Variants in CTNNA2 observed in about 807,000 individuals in gnomAD.
CTNNA2 encodes the protein catenin alpha-2.
Under a neutral mutation model 101.0 loss-of-function variants are expected in CTNNA2, and 42 were observed. That is an observed-to-expected ratio of 0.42 (90% CI 0.32 to 0.54). CTNNA2 has a LOEUF of 0.54. CTNNA2 is among the 20% of genes least tolerant of loss of function. The pLI, the probability that CTNNA2 is intolerant of heterozygous loss-of-function variation, is 0.14. For synonymous variants in CTNNA2, 450 were observed against 456.4 expected, an observed-to-expected ratio of 0.99 and a Z score of 0.18; for missense variants, 871 against 1,223.1, an observed-to-expected ratio of 0.71 and a Z score of 4.29.
intron 4 of CTNNA2, among the ~76,000 whole-genome samples, chr2:79,447,246 T>C (rs1678843228): frequency 6.6e-6 from 1 of 152,016 alleles, no homozygotes; most frequent in African/African-American, 2.4e-5. Context: ...CTAATCTCTA[T>C]ACTGACTCAA....
chr2:80,568,566 C>CGCGCGT (rs375491630), intron 12 of CTNNA2, among the ~76,000 whole-genome samples: 4 of 149,310 alleles, frequency 2.7e-5, no homozygotes, highest in African/African-American at 9.9e-5. Context: ...TAATGGTGTG[C>CGCGCGT]GTGTGTGTGT....
At chr2:79,662,949 T>A in intron 2 of CTNNA2, among the ~76,000 whole-genome samples, 1 of 152,208 alleles carries the variant, frequency 6.6e-6, no homozygotes, top group Non-Finnish European at 1.5e-5. Context: ...CTTTAAATGT[T>A]CACGCTGTTC....
intron 4 of CTNNA2, among the ~76,000 whole-genome samples, chr2:79,503,221 T>A (rs2103807321): frequency 6.6e-6 from 1 of 152,280 alleles, no homozygotes; most frequent in East Asian, 1.9e-4. Context: ...GGGCTCATAG[T>A]TGCAGGCACA....
intron 3 of CTNNA2, among the ~76,000 whole-genome samples, chr2:79,771,542 G>T (rs146945724): frequency 3.5e-4 from 53 of 152,180 alleles, no homozygotes; most frequent in African/African-American, 1.2e-3. Context: ...CCATCTGGGG[G>T]TGATGGGAGA....
At chr2:79,365,185 G>T (rs939146275) in intron 3 of CTNNA2, among the ~76,000 whole-genome samples, 1 of 152,110 alleles carries the variant, frequency 6.6e-6, no homozygotes, top group Non-Finnish European at 1.5e-5. Context: ...ACTGAGGCAG[G>T]AGAATTGCTC....
chr2:79,850,437 CCCTT>C (rs1268174712), intron 3 of CTNNA2, among the ~76,000 whole-genome samples: 10 of 150,472 alleles, frequency 6.6e-5, no homozygotes, highest in South Asian at 2.1e-4. Context: ...CTCCCTCCCT[CCCTT>C]CCTTCCTTTC....
intron 7 of CTNNA2, among the ~76,000 whole-genome samples, chr2:80,263,506 C>T (rs1004700526): frequency 6.6e-6 from 1 of 151,992 alleles, no homozygotes; most frequent in Non-Finnish European, 1.5e-5. Flanking sequence ...GGCTAATTTT[C>T]TGTCTTTTTA....
At chr2:79,747,657 G>C (rs377766050) in intron 3 of CTNNA2, among the ~76,000 whole-genome samples, 88 of 152,238 alleles carry the variant, frequency 5.8e-4, no homozygotes, top group African/African-American at 2.1e-3. Flanking sequence ...ACATGAAATT[G>C]TGTTCTCGTG....
chr2:79,789,526 T>C (rs1675111009), intron 3 of CTNNA2, among the ~76,000 whole-genome samples: 1 of 152,032 alleles, frequency 6.6e-6, no homozygotes, highest in Non-Finnish European at 1.5e-5. Context: ...GAGCCGAGTT[T>C]TTATTGCAGA....
intron 2 of CTNNA2, among the ~76,000 whole-genome samples, chr2:79,212,337 T>C (rs1005783684): frequency 1.2e-4 from 18 of 152,268 alleles, no homozygotes; most frequent in African/African-American, 3.4e-4. Context: ...TGGTCTGGTG[T>C]CTGGAATGAC....
intron 18 of CTNNA2, among the ~76,000 whole-genome samples, chr2:80,643,268 G>C (rs1303056706): frequency 6.6e-6 from 1 of 152,054 alleles, no homozygotes; most frequent in Non-Finnish European, 1.5e-5. Flanking sequence ...AAGATCATGG[G>C]CTCAGTGGTT....
At position 79,492,782 on chromosome 2, in the gene CTNNA2, A is replaced by G. The variant is rs182976954; in HGVS notation, c.-134-12272A>G. On this transcript the variant is annotated intron_variant, in intron 4 of 21. Transcript: ENST00000466387. ...CAAAGGTACACAGTAAAAGAAAACT[A>G]TAGACCAACATAGATGCAAAAATCC... Among the ~76,000 whole-genome samples, 67 of 152,318 alleles carry G rather than the reference A, an allele frequency of 4.4e-4. 1 individual carries two copies. The East Asian group carries it at 6.4e-3, about 14-fold the overall frequency.
At chr2:80,416,296 T>C (rs187543294) in intron 8 of CTNNA2, among the ~76,000 whole-genome samples, 63 of 152,300 alleles carry the variant, frequency 4.1e-4, no homozygotes, top group Admixed American at 4.0e-3. Flanking sequence ...TATATGTTTA[T>C]AAAAAATGTA....
chr2:79,467,247 C>T (rs1033716706), intron 4 of CTNNA2, among the ~76,000 whole-genome samples: 20 of 152,088 alleles, frequency 1.3e-4, no homozygotes, highest in East Asian at 5.8e-4. Context: ...CTTCAGTAGC[C>T]GATTTGATCA....
At chr2:80,046,005 C>T (rs1243522364) in intron 7 of CTNNA2, among the ~76,000 whole-genome samples, 1 of 152,192 alleles carries the variant, frequency 6.6e-6, no homozygotes, top group Non-Finnish European at 1.5e-5. Flanking sequence ...ATGATATTTG[C>T]TTTAAAGAGA....
chr2:79,249,827 A>C (rs1463026973), intron 2 of CTNNA2, among the ~76,000 whole-genome samples: 4 of 152,122 alleles, frequency 2.6e-5, no homozygotes, highest in Non-Finnish European at 5.9e-5. Flanking sequence ...AGGAGCTCAC[A>C]TTCACCTTCT....
chr2:80,633,474 G>T (rs72926529), intron 18 of CTNNA2, among the ~76,000 whole-genome samples: 7,380 of 152,170 alleles, frequency 0.048, 569 homozygotes, highest in African/African-American at 0.17. Flanking sequence ...TTCACCTCAT[G>T]ACTGCTTCGT....
At chr2:80,260,346 A>T (rs145680524) in intron 7 of CTNNA2, among the ~76,000 whole-genome samples, 1 of 152,202 alleles carries the variant, frequency 6.6e-6, no homozygotes, top group Non-Finnish European at 1.5e-5. Flanking sequence ...GAAGTTGCTC[A>T]TGGAGCCATG....
chr2:79,254,007 T>C (rs1674807466), intron 2 of CTNNA2, among the ~76,000 whole-genome samples: 1 of 152,160 alleles, frequency 6.6e-6, no homozygotes, highest in Non-Finnish European at 1.5e-5. Flanking sequence ...AGAGGAACTT[T>C]CTAATAATTA....
Sources: allele counts gnomAD v4.1 joint callset (sites outside exome capture counted in the v4.1 genomes callset), GRCh38; gene constraint gnomAD v4.1.1; transcripts MANE v1.5; gene names NCBI Gene and HGNC (gene_info 2026-07-23, HGNC 2026-07-21).